The following GARS1 variants were observed in gnomAD, a reference collection of about 807,000 sequenced individuals.
The protein encoded by GARS1 is glycyl-tRNA synthetase 1.
Under a neutral mutation model 86.4 loss-of-function variants are expected in GARS1, and 46 were observed. The ratio of observed to expected loss-of-function variants is 0.53; its 90% CI spans 0.42 to 0.68. The LOEUF (loss-of-function observed/expected upper bound fraction) is 0.68, where lower values mean the gene tolerates loss of function less well. GARS1 is among the 30% of genes least tolerant of loss of function. GARS1 has a pLI of 0.00. For synonymous variants in GARS1, 342 were observed against 329.8 expected (o/e 1.04, Z -0.40); for missense variants, 797 against 915.6 (o/e 0.87, Z 1.67).
chr7:30,603,634 T>C (rs957599987), intron 6 of GARS1, 62 bp downstream of exon 6: 2 of 1,174,824 alleles, frequency 1.7e-6, no homozygotes, highest in African/African-American at 3.0e-5. Context: ...TTTCAGTGTT[T>C]AATGACTGTT....
chr7:30,618,615 CAG>C (rs1782935460), intron 10 of GARS1, among the ~76,000 whole-genome samples: 1 of 152,182 alleles, frequency 6.6e-6, no homozygotes, highest in Admixed American at 6.5e-5. Context: ...GCCTGGGTGA[CAG>C]AGTGAGGCCC....
rs770934994 is a variant in GARS1 at position 30,595,025 on chromosome 7, C to G, written c.104C>G (p.Ser35Cys). The G allele has an allele frequency of 1.3e-6, 2 of 1,577,346 alleles. No individual in the cohort carries two copies. The highest frequency in any genetic ancestry group is 3.5e-5 in the Admixed American group (2 of 57,258). Residue 35 changes from serine (S) to cysteine (C), a missense_variant, in exon 1 of 17, where the codon TCC becomes TGC. Ser to Cys is a moderately radical substitution (Grantham distance 112). Transcript: ENST00000389266. ...LARPSLLLRRSLSAASCPPIS... is the reference protein window; with the variant it reads ...LARPSLLLRRCLSAASCPPIS... ...CGACCCTCGCTCCTGCTCCGCCGGT[C>G]CCTCAGCGCGGCCTCCTGCCCCCCG...
intron 13 of GARS1, among the ~76,000 whole-genome samples, chr7:30,626,750 A>G (rs979176407): frequency 6.6e-6 from 1 of 152,234 alleles, no homozygotes; most frequent in Non-Finnish European, 1.5e-5. Flanking sequence ...TGGGAGGCCA[A>G]GGCGGGTAGA....
chr7:30,602,981 CTA>C (rs1204016962), intron 4 of GARS1, 51 bp from the exon 5 acceptor site: 38 of 1,153,788 alleles, frequency 3.3e-5, no homozygotes, highest in Non-Finnish European at 5.0e-5. Context: ...AAGGTAATAT[CTA>C]TGTGTAATTT....
Position 30,612,194 on chromosome 7 carries a change from G to C in GARS1, c.980G>C (p.Gly327Ala), listed in dbSNP as rs774283805. ...TTGCCTTTTGCTGCTGCCCAGATTGGAAATTCTTTTAGAAATGAGATCTCC... is the reference window on the plus strand; with the variant it reads ...TTGCCTTTTGCTGCTGCCCAGATTGCAAATTCTTTTAGAAATGAGATCTCC... Reference protein sequence around the residue: ...GKLPFAAAQIGNSFRNEISPR... With the variant: ...GKLPFAAAQIANSFRNEISPR... Residue 327 changes from glycine (G) to alanine (A), a missense_variant, in exon 8 of 17, where the codon GGA becomes GCA. This residue lies in a region of GARS1 where 598 missense variants were observed against 738.7 expected (regional missense o/e 0.81). Transcript: ENST00000389266. 3 of 1,614,082 alleles carry C rather than the reference G, an allele frequency of 1.9e-6. No individual in the cohort carries two copies. Among genetic ancestry groups the C allele is most frequent in the Non-Finnish European group, 2.5e-6 (3 of 1,179,984 alleles).
In GARS1 at chr7:30,615,910, C is replaced by A; in HGVS notation, c.1046C>A (p.Ala349Glu). Reference sequence around the variant, plus strand: ...TTTGCTTTCAGAGAATTCACAATGGCAGAAATTGAGCACTTTGTAGATCCC... The same window carrying A: ...TTTGCTTTCAGAGAATTCACAATGGAAGAAATTGAGCACTTTGTAGATCCC... ...GLIRVREFTM[A>E]EIEHFVDPSE... Residue 349 changes from alanine to glutamate, a missense_variant, in exon 9 of 17, where the codon GCA (alanine) becomes GAA (glutamate). Ala to Glu is a moderately radical substitution (Grantham distance 107, BLOSUM62 -1). Transcript: ENST00000389266. The A allele has an allele frequency of 6.2e-7, 1 of 1,614,164 alleles. No individual in the cohort carries two copies. Among genetic ancestry groups the A allele is most frequent in the Non-Finnish European group, 8.5e-7 (1 of 1,180,024 alleles).
Position 30,617,182 on chromosome 7 carries a change from A to G in GARS1, c.1263A>G (p.Gly421=), listed in dbSNP as rs768523145. The part of the protein sequence containing the change: ...GRIYLYLTKV[G]ISPDKLRFRQ... ...TCTACCTCTACCTCACGAAGGTTGG[A>G]ATATCTCCAGATAAACTCCGCTTCC... Residue 421 remains glycine (G), a synonymous_variant, in exon 10 of 17, where the codon GGA becomes GGG. Transcript: ENST00000389266. 8 of 1,614,094 alleles carry G rather than the reference A, an allele frequency of 5.0e-6. No homozygotes were observed. The highest frequency in any genetic ancestry group is 6.8e-6 in the Non-Finnish European group (8 of 1,179,958).
At chr7:30,628,758 A>G (rs1374824779) in intron 14 of GARS1, 89 bp downstream of exon 14, 8 of 803,976 alleles carry the variant, frequency 1.0e-5, no homozygotes, top group Middle Eastern at 2.3e-4. Context: ...AAGACTCTAG[A>G]ATGGTCAATT....
intron 10 of GARS1, 78 bp downstream of exon 10, chr7:30,617,356 C>T (rs1243409194): frequency 2.0e-6 from 3 of 1,477,456 alleles, no homozygotes; most frequent in Admixed American, 1.9e-5. Context: ...TTTTTGTGCA[C>T]TTTATGTCAC....
intron 9 of GARS1, among the ~76,000 whole-genome samples, chr7:30,616,601 C>T (rs982820580): frequency 6.6e-6 from 1 of 152,316 alleles, no homozygotes; most frequent in African/African-American, 2.4e-5. Context: ...GATAGCTTGT[C>T]AGCCACTTTG....
chr7:30,630,028 C>T (rs1433272718), intron 14 of GARS1, among the ~76,000 whole-genome samples: 1 of 152,184 alleles, frequency 6.6e-6, no homozygotes, highest in East Asian at 1.9e-4. Flanking sequence ...TTATGAATTG[C>T]ATGAATTCCC....
chr7:30,626,396 C>T (rs1783128377), intron 13 of GARS1, 77 bp downstream of exon 13: 6 of 920,508 alleles, frequency 6.5e-6, no homozygotes. Context: ...GGGTCTTGCT[C>T]TGTCACCCAG....
At chr7:30,622,060 C>T (rs1783022367) in intron 11 of GARS1, 1 of 495,164 alleles carries the variant, frequency 2.0e-6, no homozygotes, top group Admixed American at 3.2e-5. Flanking sequence ...TGGGTTGGGT[C>T]ATTGCTGATT....
chr7:30,594,785 C>A (rs1022351707), upstream of GARS1: 1 of 724,752 alleles, frequency 1.4e-6, no homozygotes, highest in Non-Finnish European at 2.2e-6. Flanking sequence ...GGCGACCCGG[C>A]GCCGCGTCAC....
At chr7:30,617,532 A>G (rs748761192) in intron 10 of GARS1, among the ~76,000 whole-genome samples, 1 of 152,258 alleles carries the variant, frequency 6.6e-6, no homozygotes, top group African/African-American at 2.4e-5. Context: ...ACTGCTGTAC[A>G]GTGTATTGGC....
At chr7:30,623,746 C>T (rs1418792477) in intron 12 of GARS1, among the ~76,000 whole-genome samples, 2 of 151,960 alleles carry the variant, frequency 1.3e-5, no homozygotes, top group Admixed American at 6.6e-5. Flanking sequence ...AGGATAAACA[C>T]GAAGATGACC....
intron 6 of GARS1, among the ~76,000 whole-genome samples, chr7:30,604,118 T>C (rs771682915): frequency 2.0e-5 from 3 of 152,176 alleles, no homozygotes; most frequent in Non-Finnish European, 4.4e-5. Context: ...CAGAGATAAT[T>C]TATTCTGACC....
intron 1 of GARS1, 41 bp from the exon 2 acceptor site, chr7:30,598,755 T>A: frequency 6.5e-7 from 1 of 1,529,052 alleles, no homozygotes; most frequent in Non-Finnish European, 9.1e-7. Context: ...TTTCTTAACT[T>A]CTGAAACCAA....
chr7:30,594,787 C>G, upstream of GARS1: 1 of 741,454 alleles, frequency 1.3e-6, no homozygotes, highest in Non-Finnish European at 2.1e-6. Context: ...CGACCCGGCG[C>G]CGCGTCACGC....
Sources: allele counts gnomAD v4.1 joint callset (sites outside exome capture counted in the v4.1 genomes callset), GRCh38; gene constraint gnomAD v4.1.1; regional missense constraint gnomAD v4.1.1; transcripts MANE v1.5; gene names NCBI Gene and HGNC (gene_info 2026-07-23, HGNC 2026-07-21).